Variants in CFAP119 observed in about 807,000 individuals in gnomAD.
CFAP119 encodes the protein cilia and flagella associated protein 119.
At chr16:30,759,152 A>AGCCCT in the CFAP119 span, 2 of 1,614,188 alleles carry the variant, frequency 1.2e-6, no homozygotes, top group South Asian at 2.2e-5. Flanking sequence ...GGCCCAGCCC[A>AGCCCT]GCCCTGCCCT....
At chr16:30,759,821 G>C in the CFAP119 span, 10 of 1,504,250 alleles carry the variant, frequency 6.6e-6, no homozygotes, top group East Asian at 2.3e-4. Flanking sequence ...TTCAGAAGCA[G>C]ACAGATCTGG....
At chr16:30,760,869 A>T in the CFAP119 span, 1 of 625,568 alleles carries the variant, frequency 1.6e-6, no homozygotes, top group Non-Finnish European at 2.8e-6. Context: ...GCCTAGGGTT[A>T]GGAATCTTGA....
the CFAP119 span, chr16:30,759,630 C>T: frequency 3.7e-5 from 60 of 1,613,840 alleles, no homozygotes; most frequent in Non-Finnish European, 4.7e-5. Context: ...GGTAAAGTTT[C>T]CAGAATGTTC....
At chr16:30,760,021 C>T in the CFAP119 span, 1 of 1,483,234 alleles carries the variant, frequency 6.7e-7, no homozygotes, top group East Asian at 2.5e-5. Context: ...AGCTATTAAA[C>T]ATTCTAAAGC....
At chr16:30,761,354 G>A in the CFAP119 span, 1 of 1,455,034 alleles carries the variant, frequency 6.9e-7, no homozygotes, top group Non-Finnish European at 9.6e-7. Context: ...AGGCGCGGGC[G>A]AGGGAGGGCT....
chr16:30,759,760 C>T, the CFAP119 span: 3 of 1,573,574 alleles, frequency 1.9e-6, no homozygotes, highest in Non-Finnish European at 2.6e-6. Context: ...GTGAGGCCCT[C>T]TCTGGTATCC....
chr16:30,759,356 C>G, the CFAP119 span: 6 of 1,613,974 alleles, frequency 3.7e-6, no homozygotes, highest in Non-Finnish European at 5.1e-6. Context: ...GGTGTGAAGA[C>G]GTATTTATAG....
the CFAP119 span, chr16:30,761,689 A>T: frequency 6.5e-7 from 1 of 1,535,676 alleles, no homozygotes; most frequent in Non-Finnish European, 8.7e-7. Flanking sequence ...GCTCGGAGAG[A>T]TGTTCAAGCT....
At chr16:30,761,691 G>T in the CFAP119 span, 1 of 1,535,708 alleles carries the variant, frequency 6.5e-7, no homozygotes, top group Non-Finnish European at 8.7e-7. Flanking sequence ...TCGGAGAGAT[G>T]TTCAAGCTCC....
the CFAP119 span, chr16:30,759,441 G>A: frequency 9.4e-3 from 15,097 of 1,614,218 alleles, 90 homozygotes; most frequent in Non-Finnish European, 0.012. Context: ...TGAAGAGGTC[G>A]ATGCTGAAAG....
At chr16:30,760,131 T>G in the CFAP119 span, 1 of 1,556,896 alleles carries the variant, frequency 6.4e-7, no homozygotes, top group Non-Finnish European at 8.6e-7. Flanking sequence ...AAGGAAGCAG[T>G]GGATTGGAAA....
chr16:30,760,419 C>T, the CFAP119 span: 4 of 1,614,168 alleles, frequency 2.5e-6, no homozygotes, highest in Non-Finnish European at 1.7e-6. Context: ...AGGCTCTGCT[C>T]AGGACACCCT....
the CFAP119 span, chr16:30,759,192 G>T: frequency 6.2e-7 from 1 of 1,614,164 alleles, no homozygotes; most frequent in Non-Finnish European, 8.5e-7. Context: ...CTCACTCTCT[G>T]GCCACAGTTT....
the CFAP119 span, chr16:30,760,757 A>G: frequency 8.2e-7 from 1 of 1,223,036 alleles, no homozygotes; most frequent in Non-Finnish European, 1.2e-6. Context: ...GGAGTTGGCC[A>G]CCGGCGTGAA....
the CFAP119 span, chr16:30,761,761 C>G: frequency 2.0e-6 from 3 of 1,512,740 alleles, no homozygotes; most frequent in African/African-American, 1.4e-5. Context: ...CGCCGCTCTT[C>G]CGTGCCGCGA....
At chr16:30,761,445 G>T in the CFAP119 span, 1 of 1,494,966 alleles carries the variant, frequency 6.7e-7, no homozygotes. Context: ...CAAGCAGCCC[G>T]GGAGACGTCC....
chr16:30,760,592 C>G, the CFAP119 span: 7 of 1,560,130 alleles, frequency 4.5e-6, no homozygotes, highest in Non-Finnish European at 6.1e-6. Flanking sequence ...TCCCACGCCC[C>G]CCTCAGTCCC....
the CFAP119 span, chr16:30,759,667 C>CA: frequency 4.7e-5 from 76 of 1,609,988 alleles, no homozygotes; most frequent in African/African-American, 6.7e-5. Context: ...GACTCCATGG[C>CA]AAAAAAGGAC....
chr16:30,757,503 C>T, the CFAP119 span: 59 of 1,613,942 alleles, frequency 3.7e-5, no homozygotes, highest in South Asian at 6.6e-5. Flanking sequence ...TGCCTTTACC[C>T]GGAGGTAGCT....
Sources: gnomAD v4.1 joint callset for allele counts on GRCh38, gnomAD v4.1.1 for gene constraint, MANE v1.5 for transcripts, NCBI Gene and HGNC (gene_info 2026-07-23, HGNC 2026-07-21) for gene names.